MYT1L: variants seen among roughly 807,000 people sequenced by gnomAD.
The protein encoded by MYT1L is myelin transcription factor 1-like protein.
A neutral mutation model predicts 126.7 loss-of-function variants in MYT1L; 12 were observed. The observed-to-expected ratio is 0.09, with a 90% CI of 0.06 to 0.15. MYT1L has a LOEUF of 0.15. MYT1L is among the 10% of genes least tolerant of loss of function. The pLI is 1.00. For missense variants in MYT1L, 979 were observed against 1,585.2 expected (o/e 0.62, Z 6.49); for synonymous variants, 541 against 604.2 (o/e 0.90, Z 1.53).
intron 3 of MYT1L, among the ~76,000 whole-genome samples, chr2:2,076,645 C>A (rs908475549): frequency 1.3e-4 from 20 of 152,090 alleles, no homozygotes; most frequent in African/African-American, 4.6e-4. Flanking sequence ...AAATAAGAAG[C>A]AACAAGGAAA....
intron 19 of MYT1L, among the ~76,000 whole-genome samples, chr2:1,844,614 GCTTC>G: frequency 6.6e-6 from 1 of 152,260 alleles, no homozygotes; most frequent in Admixed American, 6.5e-5. Flanking sequence ...CTGTGCTTCG[GCTTC>G]CTTGTCTGTA....
In MYT1L at chr2:2,216,580, T is replaced by A. The variant is rs145588711; in HGVS notation, c.-420-43592A>T. 1.1e-3 allele frequency among the ~76,000 whole-genome samples: 172 copies of A among 152,310 alleles called. 1 individual carries two copies. The highest frequency in any genetic ancestry group is 3.9e-3 in the African/African-American group (164 of 41,566). On this transcript the variant is annotated intron_variant, in intron 2 of 24. Transcript: ENST00000647738. ...TATATCAGAAAAGAACAAGTATCAA[T>A]GACTTCAGCTTCCGCCTTAAGCAAC...
intron 15 of MYT1L, among the ~76,000 whole-genome samples, chr2:1,891,143 C>T (rs1328250800): frequency 6.6e-6 from 1 of 152,136 alleles, no homozygotes; most frequent in Non-Finnish European, 1.5e-5. Context: ...AAGAAAAAAA[C>T]ATTTGCAAAA....
intron 3 of MYT1L, among the ~76,000 whole-genome samples, chr2:2,070,132 T>C (rs1052672671): frequency 3.3e-5 from 5 of 152,104 alleles, no homozygotes; most frequent in Non-Finnish European, 7.4e-5. Flanking sequence ...TGATCCTTTT[T>C]TGCTGTTCCA....
intron 5 of MYT1L, among the ~76,000 whole-genome samples, chr2:1,994,798 A>G (rs1298864931): frequency 6.6e-6 from 1 of 152,248 alleles, no homozygotes; most frequent in Non-Finnish European, 1.5e-5. Flanking sequence ...TTTGCCATAG[A>G]AAAATATTAC....
intron 8 of MYT1L, among the ~76,000 whole-genome samples, chr2:1,967,112 T>C (rs1478654087): frequency 2.0e-5 from 3 of 152,240 alleles, no homozygotes; most frequent in Non-Finnish European, 1.5e-5. Flanking sequence ...ATCTGCATTA[T>C]GGGTTCTTTC....
intron 3 of MYT1L, among the ~76,000 whole-genome samples, chr2:2,139,852 C>T (rs55851910): frequency 0.059 from 8,978 of 152,144 alleles, 294 homozygotes; most frequent in Non-Finnish European, 0.067. Flanking sequence ...AAGTTACTCA[C>T]ATTCTTGAAA....
At chr2:2,276,343 G>A (rs1165160802) in intron 2 of MYT1L, among the ~76,000 whole-genome samples, 6 of 152,130 alleles carry the variant, frequency 3.9e-5, no homozygotes, top group Non-Finnish European at 7.4e-5. Flanking sequence ...AGCTTGTTAC[G>A]GGATATTGAA....
intron 19 of MYT1L, among the ~76,000 whole-genome samples, chr2:1,847,186 G>C (rs966292578): frequency 6.6e-6 from 1 of 152,206 alleles, no homozygotes; most frequent in Admixed American, 6.5e-5. Context: ...GCATCTCTGT[G>C]CCCGCGCATC....
intron 8 of MYT1L, among the ~76,000 whole-genome samples, chr2:1,953,704 C>T (rs1991773): frequency 0.31 from 47,569 of 152,156 alleles, 8,342 homozygotes; most frequent in African/African-American, 0.49. Flanking sequence ...TTCAGTACCT[C>T]TGTTTCCACG....
At chr2:1,817,943 G>A (rs1241159091) in intron 21 of MYT1L, among the ~76,000 whole-genome samples, 6 of 152,196 alleles carry the variant, frequency 3.9e-5, no homozygotes, top group East Asian at 3.8e-4. Context: ...GGGAGGTTCC[G>A]GGCAGCAAGT....
At chr2:2,295,677 GAGACAGACAGAGAGAGAGAGAGAGAGAC>G (rs2095671655) in intron 1 of MYT1L, among the ~76,000 whole-genome samples, 11 of 103,760 alleles carry the variant, frequency 1.1e-4, no homozygotes, top group Non-Finnish European at 2.1e-4. Flanking sequence ...GAGAGAGAGA[GAGACAGACAGAGAGAGAGAGAGAGAGAC>G]AGACAGACAG....
chr2:1,951,505 G>A (rs2057750779), intron 8 of MYT1L, among the ~76,000 whole-genome samples: 1 of 152,214 alleles, frequency 6.6e-6, no homozygotes, highest in African/African-American at 2.4e-5. Flanking sequence ...CCACAGGAAA[G>A]AGAGAAGGCT....
intron 3 of MYT1L, among the ~76,000 whole-genome samples, chr2:2,114,184 T>C (rs1302473323): frequency 6.6e-6 from 1 of 152,234 alleles, no homozygotes; most frequent in East Asian, 1.9e-4. Flanking sequence ...AGTAGGCAAA[T>C]GATCATCTGA....
chr2:2,210,893 A>G (rs1297147870), intron 2 of MYT1L, among the ~76,000 whole-genome samples: 1 of 151,800 alleles, frequency 6.6e-6, no homozygotes, highest in Non-Finnish European at 1.5e-5. Context: ...TGTTTCTTCA[A>G]TTTTTTTTAA....
chr2:2,279,928 T>C (rs2095424909), intron 2 of MYT1L, among the ~76,000 whole-genome samples: 1 of 152,174 alleles, frequency 6.6e-6, no homozygotes, highest in South Asian at 2.1e-4. Context: ...GACAAGTACA[T>C]GGCATAAAGT....
At chr2:1,906,462 G>T (rs2051071396) in intron 13 of MYT1L, among the ~76,000 whole-genome samples, 1 of 151,946 alleles carries the variant, frequency 6.6e-6, no homozygotes, top group African/African-American at 2.4e-5. Flanking sequence ...AATTTATATT[G>T]GTTTTGGTGC....
At chr2:1,837,360 C>T (rs1238822850) in intron 21 of MYT1L, among the ~76,000 whole-genome samples, 1 of 152,122 alleles carries the variant, frequency 6.6e-6, no homozygotes, top group African/African-American at 2.4e-5. Flanking sequence ...GTCAGGTTAG[C>T]GAAACATACA....
At chr2:1,921,643 A>G (rs1267651491) in intron 10 of MYT1L, among the ~76,000 whole-genome samples, 2 of 152,240 alleles carry the variant, frequency 1.3e-5, no homozygotes, top group Non-Finnish European at 2.9e-5. Context: ...AATATCCTAA[A>G]GAAATTGCTA....
Sources: allele counts gnomAD v4.1 joint callset (sites outside exome capture counted in the v4.1 genomes callset), GRCh38; gene constraint gnomAD v4.1.1; transcripts MANE v1.5; gene names NCBI Gene and HGNC (gene_info 2026-07-23, HGNC 2026-07-21).